Variants in MAPK15 observed in about 807,000 individuals in gnomAD.
MAPK15 encodes ERK-7.
MAPK15 carries 61 observed loss-of-function variants against 60.8 expected under a neutral mutation model. The observed-to-expected ratio is 1.00, with a 90% CI of 0.82 to 1.24. The LOEUF is 1.24. MAPK15 is among the 50% of genes most tolerant of loss of function. The pLI, the probability that MAPK15 is intolerant of heterozygous loss-of-function variation, is 0.00. For synonymous variants in MAPK15, 356 were observed against 319.9 expected (o/e 1.11, Z -1.21); for missense variants, 808 against 741.1 (o/e 1.09, Z -1.05).
chr8:143,718,134 C>A (rs1817884156), intron 3 of MAPK15, 58 bp downstream of exon 3: 2 of 1,613,562 alleles, frequency 1.2e-6, no homozygotes, highest in Middle Eastern at 1.7e-4. Flanking sequence ...TCTCTCCAGA[C>A]AGGAGAGAAA....
chr8:143,717,088 G>T (rs61201083), intron 1 of MAPK15, among the ~76,000 whole-genome samples: 25,629 of 152,020 alleles, frequency 0.17, 2,847 homozygotes, highest in East Asian at 0.52. Flanking sequence ...GTGAGGGTCC[G>T]ATCGTGTGGG....
Position 143,720,626 on chromosome 8 carries a change from G to T in MAPK15, c.780-77G>T. ...CAGGGTGGACCCCAGTTTGGAAGCT[G>T]AGCCCCCAGCCACGAACATGGATCT... On this transcript the variant is annotated intron_variant, in intron 8 of 13. Coordinates refer to ENST00000338033, the MANE Select transcript of MAPK15 (RefSeq NM_139021.3). This position sits in a 1 kb window ranked among gnomAD's most constrained non-coding sequence, Gnocchi z 4.6. 6.5e-7 allele frequency: 1 copy of T among 1,537,482 alleles called. No individual in the cohort carries two copies. The highest frequency in any genetic ancestry group is 8.8e-7 in the Non-Finnish European group (1 of 1,139,704).
At position 143,718,905 on chromosome 8, in the gene MAPK15, G is replaced by T. The variant is rs1554619062; in HGVS notation, c.417G>T (p.Lys139Asn). The T allele has an allele frequency of 6.2e-7, 1 of 1,603,306 alleles. No individual in the cohort carries two copies. The highest frequency in any genetic ancestry group is 1.7e-5 in the Admixed American group (1 of 59,284). The change falls in exon 5 of 14, where the codon AAG becomes AAT. Residue 139 changes from lysine (K) to asparagine (N), a missense_variant and splice_region_variant. Physicochemically the swap from Lys to Asn is moderately conservative, Grantham distance 94. Coordinates refer to ENST00000338033, the MANE Select transcript of MAPK15 (RefSeq NM_139021.3). ...GGCACGTTGTGCACCGGGACCAGAA[G>T]GTGCGGTTCCCCCGCCCCCGCTATG... ...HSGHVVHRDQ[K>N]PSNVLLDANC...
rs1348014005 is a variant in MAPK15 at position 143,721,070 on chromosome 8, C to T, written c.988C>T (p.Leu330Phe). Residue 330 changes from leucine (L) to phenylalanine (F), a missense_variant, in exon 10 of 14, where the codon CTC becomes TTC. Transcript: ENST00000338033. Reference protein sequence around the residue: ...VRPRAHEGVQLSVPEYRSRVY... With the variant: ...VRPRAHEGVQFSVPEYRSRVY... ...GCCCCGGGCACACGAAGGGGTCCAG[C>T]TCTCTGTGCCTGAGTACCGCAGCCG... is the stretch of plus-strand genomic sequence containing the variant. The T allele has an allele frequency of 6.2e-7, 1 of 1,611,898 alleles. No individual in the cohort carries two copies. The highest frequency in any genetic ancestry group is 8.5e-7 in the Non-Finnish European group (1 of 1,179,550).
At chr8:143,718,734 C>CCCCCCCCCCCCCCCCCACCCCAG in intron 4 of MAPK15, 41 bp from the exon 5 acceptor site, 1 of 1,137,784 alleles carries the variant, frequency 8.8e-7, no homozygotes, top group Non-Finnish European at 1.2e-6. Flanking sequence ...GTTGCCCCCC[C>CCCCCCCCCCCCCCCCCACCCCAG]AGCCCCCCAC....
intron 1 of MAPK15, 71 bp downstream of exon 1, chr8:143,716,514 CG>C (rs1817816520): frequency 9.0e-6 from 13 of 1,442,056 alleles, no homozygotes; most frequent in Non-Finnish European, 1.0e-5. Context: ...CTGCGGGGCG[CG>C]GCCGGTCCCC....
At chr8:143,716,484 C>G (rs1451956009) in intron 1 of MAPK15, 41 bp downstream of exon 1, 10 of 1,573,786 alleles carry the variant, frequency 6.4e-6, no homozygotes, top group Non-Finnish European at 8.6e-6. Flanking sequence ...AGGGGCGCGG[C>G]AGATCTGCGG....
chr8:143,718,501 C>T (rs1554618906), intron 4 of MAPK15, 199 bp downstream of exon 4: 3 of 647,452 alleles, frequency 4.6e-6, no homozygotes, highest in African/African-American at 1.8e-5. Context: ...CCTTTCGTCC[C>T]ACCTGCCCCA....
rs1471703142 is a variant in MAPK15 at position 143,716,895 on chromosome 8, TCTGTGTGTGTGTGTGAGCATGTAAGC to T, written c.66+466_66+491del. Among the ~76,000 whole-genome samples the T allele has an allele frequency of 2.0e-5, 3 of 151,864 alleles. No individual in the cohort carries two copies. In the South Asian group the frequency reaches 6.2e-4, roughly 32 times the overall value. ...AGAGTGAAGGGCAGAGCCTTGTGTA[TCTGTGTGTGTGTGTGAGCATGTAAGC>T]CTGTGTGTGTGTGCGTGGGTGTGTG... On this transcript the variant is annotated intron_variant, in intron 1 of 13. Coordinates refer to ENST00000338033, the MANE Select transcript of MAPK15 (RefSeq NM_139021.3).
chr8:143,721,348 A>C lies in MAPK15; in HGVS notation c.1141A>C (p.Thr381Pro), dbSNP rs56241827. Residue 381 changes from threonine (T) to proline (P), a missense_variant, in exon 11 of 14, where the codon ACA becomes CCA. Physicochemically the swap from Thr to Pro is conservative, Grantham distance 38 (BLOSUM62 -1). Transcript: ENST00000338033. Reference sequence around the variant, plus strand: ...AGCCGACCCTCAGCTGCCTTCTAGGACACCTGTGCAGGGTCCCAGACCCAG... The same window carrying C: ...AGCCGACCCTCAGCTGCCTTCTAGGCCACCTGTGCAGGGTCCCAGACCCAG... ...PRADPQLPSR[T>P]PVQGPRPRPQ... The C allele has an allele frequency of 6.9e-4, 1,113 of 1,613,374 alleles. 6 individuals carry two copies. Among genetic ancestry groups the C allele is most frequent in the Non-Finnish European group, 5.7e-4 (675 of 1,179,918 alleles).
Position 143,719,346 on chromosome 8 carries a change from C to A in MAPK15, c.585C>A (p.Tyr195Ter). 6.2e-7 allele frequency: 1 copy of A among 1,600,800 alleles called. No homozygotes were observed. Among genetic ancestry groups the A allele is most frequent in the South Asian group, 1.1e-5 (1 of 89,316 alleles). Residue 195 changes from tyrosine to a stop codon, truncating the protein, a stop_gained, in exon 7 of 14, where the codon TAC (tyrosine) becomes TAA (stop). Transcript: ENST00000338033. LOFTEE classifies it high-confidence loss of function. The part of the protein sequence containing the change: ...APEVLLSSHR[Y>*]TLGVDMWSLG... ...CCTACACCGCTTCCTGCCCCAGATA[C>A]ACCCTTGGGGTGGACATGTGGAGTC...
chr8:143,716,405 G>C lies in MAPK15; in HGVS notation c.28G>C (p.Val10Leu), dbSNP rs1466321532. 21 of 1,605,756 alleles carry C rather than the reference G, an allele frequency of 1.3e-5. No homozygotes were observed. Among genetic ancestry groups the C allele is most frequent in the Middle Eastern group, 1.7e-4 (1 of 6,046 alleles). ...GTGCACCGTAGTGGACCCTCGCATT[G>C]TCCGGAGATACCTACTCAGGCGGCA... is the stretch of plus-strand genomic sequence containing the variant. Reference protein sequence around the residue: MCTVVDPRIVRRYLLRRQLG... With the variant: MCTVVDPRILRRYLLRRQLG... The change falls in exon 1 of 14, where the codon GTC (valine) becomes CTC (leucine). Residue 10 changes from valine to leucine, a missense_variant. Physicochemically the swap from Val to Leu is conservative, Grantham distance 32 (BLOSUM62 1). Transcript: ENST00000338033.
chr8:143,721,767 A>AG lies in MAPK15; in HGVS notation c.1349dup (p.Ala451SerfsTer22), dbSNP rs1563752764. 6.2e-7 allele frequency: 1 copy of AG among 1,613,282 alleles called. No individual in the cohort carries two copies. Among genetic ancestry groups the AG allele is most frequent in the East Asian group, 2.2e-5 (1 of 44,854 alleles). ...CCCTTCCCAGGTGAAGCCAAGCGGG[A>AG]GGGGAGCTGCGCCCTCCCTGACCTC... On this transcript the variant is annotated frameshift_variant, in exon 13 of 14. Transcript: ENST00000338033. LOFTEE classifies it high-confidence loss of function.
rs137986185 is a variant in MAPK15, at chr8:143,718,788, C to T, written c.300C>T (p.Asn100=). 176 of 1,561,392 alleles carry T rather than the reference C, an allele frequency of 1.1e-4. No individual in the cohort carries two copies. The highest frequency in any genetic ancestry group is 3.7e-4 in the Admixed American group (21 of 56,970). ...CCCTCTCTGCAGACACTGACCTGAA[C>T]GCAGTCATCCGGAAGGGCGGCCTGC... ...LVFEFMDTDL[N]AVIRKGGLLQ... is the part of the protein sequence containing the mutation. Residue 100 remains asparagine (N), a synonymous_variant, in exon 5 of 14, where the codon AAC becomes AAT. Transcript: ENST00000338033.
chr8:143,719,878 G>C (rs76074691), intron 7 of MAPK15, among the ~76,000 whole-genome samples: 1,836 of 152,182 alleles, frequency 0.012, 27 homozygotes, highest in African/African-American at 0.031. Context: ...AGTGGTAGAG[G>C]GGCCATGGGG....
In MAPK15 at chr8:143,717,936, G is replaced by A. The variant is rs572001584; in HGVS notation, c.166-111G>A. On this transcript the variant is annotated intron_variant, in intron 2 of 13. Transcript: ENST00000338033. ...TCTCGGAACACTGCCCCCTTGCCAC[G>A]CCTGGTCTGGTGGGTATTGGGTGAC... 448 of 1,533,726 alleles carry A rather than the reference G, an allele frequency of 2.9e-4. 5 individuals carry two copies. In the Admixed American group the frequency reaches 7.4e-3, roughly 25 times the overall value.
intron 1 of MAPK15, among the ~76,000 whole-genome samples, chr8:143,717,224 C>A (rs1450180951): frequency 1.3e-5 from 2 of 152,050 alleles, no homozygotes; most frequent in East Asian, 3.9e-4. Context: ...TGCACGGGAG[C>A]GGCAGACGGA....
chr8:143,721,125 C>T lies in MAPK15; in HGVS notation c.1023+20C>T. The T allele has an allele frequency of 1.9e-6, 3 of 1,606,346 alleles. No individual in the cohort carries two copies. The highest frequency in any genetic ancestry group is 1.7e-4 in the Middle Eastern group (1 of 6,034). ...TATCAGGTGCTCCGGCTCTCGACCC[C>T]TATCATCCCCTGTCTACTGCACCCT... is the stretch of plus-strand genomic sequence containing the variant. On this transcript the variant is annotated intron_variant, in intron 10 of 13. Transcript: ENST00000338033.
intron 6 of MAPK15, 89 bp downstream of exon 6, chr8:143,719,245 T>C (rs1453827965): frequency 6.6e-7 from 1 of 1,512,396 alleles, no homozygotes; most frequent in Non-Finnish European, 8.9e-7. Context: ...ACTCCGACCC[T>C]GCCTTGGTCC....
Sources: gnomAD v4.1 joint callset for allele counts (sites outside exome capture counted in the v4.1 genomes callset) on GRCh38, gnomAD v4.1.1 for gene constraint, Gnocchi (gnomAD v3.1) non-coding constraint, MANE v1.5 for transcripts, NCBI Gene and HGNC (gene_info 2026-07-23, HGNC 2026-07-21) for gene names.